EPHA6: variants seen among roughly 807,000 people sequenced by gnomAD.
EPHA6 encodes the protein EPH receptor A6, also known as ephrin type-A receptor 6.
EPHA6 carries 50 observed loss-of-function variants against 112.0 expected under a neutral mutation model. That is an observed-to-expected ratio of 0.45 (90% CI 0.36 to 0.56). The LOEUF is 0.56. Ranked by LOEUF, EPHA6 falls within the 20% of genes least tolerant of loss-of-function variation. The probability of loss-of-function intolerance (pLI) is 0.00; values close to 1 mark genes in which losing one functional copy is unlikely to be tolerated. For missense variants in EPHA6, 1,280 were observed against 1,417.4 expected (o/e 0.90, Z 1.56); for synonymous variants, 529 against 490.7 (o/e 1.08, Z -1.03).
At position 97,558,653 on chromosome 3, in the gene EPHA6, T is replaced by C. The variant is rs557250524; in HGVS notation, c.2386+26110T>C. Among the ~76,000 whole-genome samples the C allele has an allele frequency of 8.9e-4, 135 of 152,160 alleles. 1 individual carries two copies. Among genetic ancestry groups the C allele is most frequent in the African/African-American group, 2.6e-3 (109 of 41,556 alleles). On this transcript the variant is annotated intron_variant, in intron 11 of 17. Transcript: ENST00000389672. ...AAATAAAATAGAAGTAAAGCAATACTTGAAAAGTGTGTGATAAAATATGTC... is the reference window on the plus strand; with the variant it reads ...AAATAAAATAGAAGTAAAGCAATACCTGAAAAGTGTGTGATAAAATATGTC...
intron 2 of EPHA6, among the ~76,000 whole-genome samples, chr3:96,886,602 ATAG>A (rs1263619935): frequency 6.6e-6 from 1 of 152,122 alleles, no homozygotes; most frequent in African/African-American, 2.4e-5. Context: ...AAGGCAGCAG[ATAG>A]TTGGTTGGTG....
intron 3 of EPHA6, among the ~76,000 whole-genome samples, chr3:97,072,288 G>A (rs2046384795): frequency 6.6e-6 from 1 of 152,016 alleles, no homozygotes; most frequent in Non-Finnish European, 1.5e-5. Context: ...TAGAGTCTTT[G>A]CCAATAATGA....
intron 11 of EPHA6, among the ~76,000 whole-genome samples, chr3:97,538,908 G>A (rs2092799274): frequency 6.6e-6 from 1 of 152,028 alleles, no homozygotes; most frequent in South Asian, 2.1e-4. Flanking sequence ...CAAATGTTCA[G>A]CATTTTTCAG....
intron 11 of EPHA6, among the ~76,000 whole-genome samples, chr3:97,562,676 C>T (rs1012996983): frequency 2.6e-5 from 4 of 152,104 alleles, no homozygotes; most frequent in Non-Finnish European, 5.9e-5. Context: ...AGGAATGACT[C>T]CCGTTTTGAA....
At chr3:97,003,147 G>A (rs906434997) in intron 3 of EPHA6, among the ~76,000 whole-genome samples, 7 of 151,730 alleles carry the variant, frequency 4.6e-5, no homozygotes, top group Admixed American at 6.6e-5. Context: ...CACTCTTGTC[G>A]CCCAGGCTGG....
intron 2 of EPHA6, among the ~76,000 whole-genome samples, chr3:96,897,330 C>A (rs148493692): frequency 6.6e-6 from 1 of 151,864 alleles, no homozygotes; most frequent in African/African-American, 2.4e-5. Context: ...CAAGTATAAC[C>A]CATTTTCTTA....
intron 7 of EPHA6, among the ~76,000 whole-genome samples, chr3:97,471,144 T>A (rs1182022048): frequency 2.0e-5 from 3 of 151,756 alleles, no homozygotes; most frequent in Non-Finnish European, 4.4e-5. Flanking sequence ...ATGGTTTGCT[T>A]ATTTGTTTCT....
At chr3:96,966,684 A>G (rs1042242963) in intron 2 of EPHA6, among the ~76,000 whole-genome samples, 5 of 152,048 alleles carry the variant, frequency 3.3e-5, no homozygotes, top group African/African-American at 7.2e-5. Context: ...TTAGTTTTCT[A>G]TGCTTGGAAA....
chr3:97,539,860 A>C (rs2092824291), intron 11 of EPHA6, among the ~76,000 whole-genome samples: 1 of 152,190 alleles, frequency 6.6e-6, no homozygotes, highest in Admixed American at 6.5e-5. Flanking sequence ...ATGCTTGTGA[A>C]TGCTTGAAGT....
intron 14 of EPHA6, among the ~76,000 whole-genome samples, chr3:97,650,051 C>A (rs904101138): frequency 6.6e-6 from 1 of 152,088 alleles, no homozygotes; most frequent in East Asian, 1.9e-4. Context: ...AAGATATATT[C>A]TTAAAAATTA....
chr3:97,341,601 C>T (rs2083306645), intron 5 of EPHA6, among the ~76,000 whole-genome samples: 1 of 152,048 alleles, frequency 6.6e-6, no homozygotes, highest in Non-Finnish European at 1.5e-5. Context: ...GATCCACCTG[C>T]CTCGGGCTCC....
intron 3 of EPHA6, among the ~76,000 whole-genome samples, chr3:97,097,687 A>G (rs1156538935): frequency 1.3e-5 from 2 of 151,928 alleles, no homozygotes; most frequent in Non-Finnish European, 2.9e-5. Context: ...CAAGTGTCAT[A>G]TCTGTCTTAT....
At chr3:97,070,400 T>C (rs1192476097) in intron 3 of EPHA6, among the ~76,000 whole-genome samples, 1 of 152,140 alleles carries the variant, frequency 6.6e-6, no homozygotes, top group East Asian at 1.9e-4. Context: ...AATTAACATA[T>C]GCAGATTTTC....
intron 2 of EPHA6, among the ~76,000 whole-genome samples, chr3:96,905,048 G>A (rs2038856509): frequency 6.6e-6 from 1 of 152,066 alleles, no homozygotes; most frequent in African/African-American, 2.4e-5. Flanking sequence ...CTATTTATGA[G>A]AGTTTTGCCA....
intron 5 of EPHA6, among the ~76,000 whole-genome samples, chr3:97,254,982 T>C (rs924051989): frequency 1.3e-5 from 2 of 152,176 alleles, no homozygotes; most frequent in African/African-American, 4.8e-5. Flanking sequence ...TTATTTCCAA[T>C]TTGCAAGTTT....
chr3:97,088,661 C>T (rs1051831749), intron 3 of EPHA6, among the ~76,000 whole-genome samples: 1 of 152,202 alleles, frequency 6.6e-6, no homozygotes, highest in Admixed American at 6.6e-5. Flanking sequence ...TTCTGTTCCT[C>T]CTCTTCTTCT....
intron 5 of EPHA6, among the ~76,000 whole-genome samples, chr3:97,363,216 ATATATATATATATATATAT>A (rs2084491132): frequency 3.3e-5 from 2 of 59,906 alleles, no homozygotes; most frequent in Admixed American, 3.0e-4. Context: ...ATATATATAT[ATATATATATATATATATAT>A]ATAAATCTCA....
intron 13 of EPHA6, among the ~76,000 whole-genome samples, chr3:97,629,784 A>G (rs922254807): frequency 1.3e-5 from 2 of 152,004 alleles, no homozygotes; most frequent in African/African-American, 4.8e-5. Flanking sequence ...TTCACCAGAT[A>G]CATATGCAGA....
At chr3:97,676,501 G>T (rs778618170) in intron 14 of EPHA6, among the ~76,000 whole-genome samples, 4 of 152,176 alleles carry the variant, frequency 2.6e-5, no homozygotes, top group Non-Finnish European at 4.4e-5. Context: ...AAACTAGGAA[G>T]TATAAATAAC....
Sources: gnomAD v4.1 joint callset for allele counts (sites outside exome capture counted in the v4.1 genomes callset) on GRCh38, gnomAD v4.1.1 for gene constraint, MANE v1.5 for transcripts, NCBI Gene and HGNC (gene_info 2026-07-23, HGNC 2026-07-21) for gene names.